CYP2S1: variants seen among roughly 807,000 people sequenced by gnomAD.
CYP2S1 encodes cytochrome P450 family 2 subfamily S member 1, also known as cytochrome P450 2S1.
CYP2S1 carries 32 observed loss-of-function variants against 43.5 expected under a neutral mutation model. The observed-to-expected ratio is 0.74, with a 90% confidence interval of 0.56 to 0.99. The LOEUF (loss-of-function observed/expected upper bound fraction) is 0.99. CYP2S1 is among the 50% of genes least tolerant of loss of function. CYP2S1 has a pLI of 0.00. For missense variants in CYP2S1, 575 were observed against 673.9 expected (o/e 0.85, Z 1.62); for synonymous variants, 283 against 302.9 (o/e 0.93, Z 0.68).
At chr19:41,201,067 ACT>A (rs2033481478) in intron 5 of CYP2S1, among the ~76,000 whole-genome samples, 162 bp from the exon 6 acceptor site, 2 of 151,600 alleles carry the variant, frequency 1.3e-5, no homozygotes, top group African/African-American at 2.4e-5. Flanking sequence ...ACAAAGCAAG[ACT>A]CTGTCTCAAA....
At chr19:41,194,305 G>A (rs562510856) in intron 1 of CYP2S1, among the ~76,000 whole-genome samples, 1 of 152,254 alleles carries the variant, frequency 6.6e-6, no homozygotes, top group Non-Finnish European at 1.5e-5. Context: ...TCAGCAGGAA[G>A]CAAGGGAACG....
chr19:41,206,322 T>C lies in CYP2S1; in HGVS notation c.1349T>C (p.Leu450Pro). The C allele has an allele frequency of 3.1e-6, 5 of 1,614,002 alleles. No homozygotes were observed. The highest frequency in any genetic ancestry group is 4.2e-6 in the Non-Finnish European group (5 of 1,180,002). Residue 450 changes from leucine (L) to proline (P), a missense_variant, in exon 9 of 9, where the codon CTC becomes CCC. By Grantham distance (98) the Leu-to-Pro change is moderately conservative. Coordinates refer to ENST00000310054, the MANE Select transcript of CYP2S1 (RefSeq NM_030622.8). ...GGAGAGGGCCTGGCAAAAGCGGAGC[T>C]CTTCCTCTTCTTCACCACCATCCTA... is the stretch of plus-strand genomic sequence containing the variant. ...CLGEGLAKAELFLFFTTILQA... is the reference protein window; with the variant it reads ...CLGEGLAKAEPFLFFTTILQA...
intron 5 of CYP2S1, 23 bp from the exon 6 acceptor site, chr19:41,201,208 C>G (rs899030207): frequency 6.2e-7 from 1 of 1,612,276 alleles, no homozygotes; most frequent in African/African-American, 1.3e-5. Flanking sequence ...GTTCTCTCAG[C>G]CCCTCTGCCT....
chr19:41,197,694 C>T (rs1289807928), intron 2 of CYP2S1, 85 bp from the exon 3 acceptor site: 82 of 1,537,270 alleles, frequency 5.3e-5, no homozygotes, highest in Non-Finnish European at 6.5e-5. Context: ...AGCGAGATTC[C>T]GTCTCAAAAA....
chr19:41,195,379 AAC>A (rs1228532934), intron 2 of CYP2S1, among the ~76,000 whole-genome samples: 1 of 152,116 alleles, frequency 6.6e-6, no homozygotes, highest in Non-Finnish European at 1.5e-5. Flanking sequence ...TGCTGCCAGG[AAC>A]TCAGTAGTAA....
chr19:41,206,116 T>C lies in CYP2S1; in HGVS notation c.1306+17T>C. The C allele has an allele frequency of 6.2e-7, 1 of 1,612,966 alleles. No individual in the cohort carries two copies. Among genetic ancestry groups the C allele is most frequent in the Non-Finnish European group, 8.5e-7 (1 of 1,179,280 alleles). ...TCTCCTTAGGTATCTGCTGCAGCCC[T>C]GGGTATCACAAGCAGGTGCTGGCGA... On this transcript the variant is annotated intron_variant, in intron 8 of 8. Transcript: ENST00000310054.
In CYP2S1 at chr19:41,203,573, T is replaced by C. The variant is rs1364927729; in HGVS notation, c.1100T>C (p.Val367Ala). ...LHEAQRLLAL[V>A]PMGIPRTLMR... ...GAGGCGCAGCGGCTGCTGGCGCTGG[T>C]GCCCATGGGAATACCCCGCACCCTC... The change falls in exon 7 of 9, where the codon GTG (valine) becomes GCG (alanine). Residue 367 changes from valine to alanine, a missense_variant. Coordinates refer to ENST00000310054, the MANE Select transcript of CYP2S1 (RefSeq NM_030622.8). The C allele has an allele frequency of 1.9e-6, 3 of 1,569,292 alleles. No homozygotes were observed. Among genetic ancestry groups the C allele is most frequent in the Non-Finnish European group, 2.6e-6 (3 of 1,157,376 alleles).
intron 7 of CYP2S1, among the ~76,000 whole-genome samples, chr19:41,205,349 T>TCTTTC (rs2033552456): frequency 9.9e-6 from 1 of 101,000 alleles, no homozygotes; most frequent in Non-Finnish European, 1.8e-5. Flanking sequence ...TTTTTTTCTT[T>TCTTTC]CTTTCTTTCT....
At position 41,204,150 on chromosome 19, in the gene CYP2S1, C is replaced by T. The variant is rs556613128; in HGVS notation, c.1164+513C>T. Among the ~76,000 whole-genome samples, 20 of 152,160 alleles carry T rather than the reference C, an allele frequency of 1.3e-4. No homozygotes were observed. The South Asian group carries it at 3.9e-3, about 30-fold the overall frequency. On this transcript the variant is annotated intron_variant, in intron 7 of 8. Coordinates refer to ENST00000310054, the MANE Select transcript of CYP2S1 (RefSeq NM_030622.8). ...TGCTGGGATTACAGGCGTGAGCCAC[C>T]GCACCCAGCCATGCTTTCTGCATCT...
intron 2 of CYP2S1, among the ~76,000 whole-genome samples, chr19:41,195,168 A>G (rs975545012): frequency 1.3e-5 from 2 of 152,190 alleles, no homozygotes; most frequent in African/African-American, 4.8e-5. Flanking sequence ...TGATTGAGTG[A>G]GGACTGAGCC....
intron 7 of CYP2S1, among the ~76,000 whole-genome samples, chr19:41,205,525 T>C (rs1477472171): frequency 6.6e-6 from 1 of 151,198 alleles, no homozygotes; most frequent in African/African-American, 2.4e-5. Flanking sequence ...CTTCCTCTCT[T>C]TCTCTCTTTC....
At chr19:41,197,292 A>C (rs1048928521) in intron 2 of CYP2S1, among the ~76,000 whole-genome samples, 36 of 152,188 alleles carry the variant, frequency 2.4e-4, no homozygotes, top group African/African-American at 8.7e-4. Flanking sequence ...AAAGGATGGG[A>C]GAACCAGTTT....
chr19:41,206,344 C>A lies in CYP2S1; in HGVS notation c.1371C>A (p.Ile457=). 3.1e-6 allele frequency: 5 copies of A among 1,614,166 alleles called. No individual in the cohort carries two copies. The highest frequency in any genetic ancestry group is 4.2e-6 in the Non-Finnish European group (5 of 1,180,034). ...AGCTCTTCCTCTTCTTCACCACCATCCTACAAGCCTTCTCCCTGGAGAGCC... is the reference window on the plus strand; with the variant it reads ...AGCTCTTCCTCTTCTTCACCACCATACTACAAGCCTTCTCCCTGGAGAGCC... ...KAELFLFFTT[I]LQAFSLESPC... Residue 457 remains isoleucine (I), a synonymous_variant, in exon 9 of 9, where the codon ATC becomes ATA. Coordinates refer to ENST00000310054, the MANE Select transcript of CYP2S1 (RefSeq NM_030622.8).
At chr19:41,194,360 G>A (rs1000605392) in intron 1 of CYP2S1, among the ~76,000 whole-genome samples, 184 bp from the exon 2 acceptor site, 1 of 152,044 alleles carries the variant, frequency 6.6e-6, no homozygotes, top group African/African-American at 2.4e-5. Flanking sequence ...TGGGGGAGGA[G>A]GCCCGGGAGC....
At chr19:41,205,011 A>C (rs2033544768) in intron 7 of CYP2S1, among the ~76,000 whole-genome samples, 1 of 152,122 alleles carries the variant, frequency 6.6e-6, no homozygotes, top group South Asian at 2.1e-4. Context: ...GCTGTAAGAT[A>C]ATGCTTGTAA....
Position 41,198,415 on chromosome 19 carries a change from C to G in CYP2S1, c.494-47C>G, listed in dbSNP as rs2033442295. On this transcript the variant is annotated intron_variant, in intron 3 of 8. Coordinates refer to ENST00000310054, the MANE Select transcript of CYP2S1 (RefSeq NM_030622.8). The surrounding 1 kb of genome is among the most constrained non-coding windows in gnomAD (Gnocchi z 4.9). ...GGGTTCAGCTCCAACCTGCTCCCCT[C>G]TGCCTGGCTCCATCACAGCCTACCT... The G allele has an allele frequency of 6.2e-7, 1 of 1,603,398 alleles. No individual in the cohort carries two copies. The highest frequency in any genetic ancestry group is 1.7e-5 in the Admixed American group (1 of 59,474).
chr19:41,194,420 C>A, intron 1 of CYP2S1, 124 bp from the exon 2 acceptor site: 2 of 1,260,912 alleles, frequency 1.6e-6, no homozygotes, highest in Non-Finnish European at 1.1e-6. Flanking sequence ...GGGATGGGGG[C>A]AGGTTCCTGG....
chr19:41,197,993 C>T, intron 3 of CYP2S1, 65 bp downstream of exon 3: 1 of 1,523,440 alleles, frequency 6.6e-7, no homozygotes, highest in East Asian at 2.4e-5. Context: ...CCTACTGTGG[C>T]TGGGGGTGGC....
chr19:41,199,828 G>T (rs1017969639), intron 5 of CYP2S1, among the ~76,000 whole-genome samples: 3 of 152,044 alleles, frequency 2.0e-5, no homozygotes, highest in African/African-American at 7.2e-5. Flanking sequence ...AAATTAGCCG[G>T]ACGTGGTGGC....
Sources: allele counts gnomAD v4.1 joint callset (sites outside exome capture counted in the v4.1 genomes callset), GRCh38; gene constraint gnomAD v4.1.1; non-coding constraint Gnocchi (gnomAD v3.1); transcripts MANE v1.5; gene names NCBI Gene and HGNC (gene_info 2026-07-23, HGNC 2026-07-21).